MSR1: variants seen among roughly 807,000 people sequenced by gnomAD.
MSR1 encodes macrophage scavenger receptor 1, also known as macrophage scavenger receptor types I and II.
A neutral mutation model predicts 47.2 loss-of-function variants in MSR1; 53 were observed. The ratio of observed to expected loss-of-function variants is 1.12; its 90% CI spans 0.90 to 1.41. MSR1 has a LOEUF of 1.41. MSR1 is among the 40% of genes most tolerant of loss of function. The pLI, the probability that MSR1 is intolerant of heterozygous loss-of-function variation, is 0.00. For missense variants in MSR1, 786 were observed against 546.9 expected (o/e 1.44, Z -4.36); for synonymous variants, 239 against 185.6 (o/e 1.29, Z -2.34).
At position 16,109,410 on chromosome 8, in the gene MSR1, G is replaced by T. The variant is rs1799707049; in HGVS notation, c.*675C>A. 6.6e-6 allele frequency: 1 copy of T among 151,990 alleles called. No homozygotes were observed. Among genetic ancestry groups the T allele is most frequent in the African/African-American group, 2.4e-5 (1 of 41,382 alleles). 9.4% of individuals were successfully genotyped at this position (151,990 alleles called of 1,614,324 possible). ...GCATTTTTGATCCACCAATTATCTG[G>T]ACAAATATACTGATGGTCAGTTTTC... On this transcript the variant is annotated 3_prime_UTR_variant, in exon 10 of 10. Transcript: ENST00000262101.
intron 6 of MSR1, among the ~76,000 whole-genome samples, chr8:16,151,207 T>C (rs372697428): frequency 6.6e-6 from 1 of 152,088 alleles, no homozygotes; most frequent in African/African-American, 2.4e-5. Flanking sequence ...CAGGAGCATC[T>C]TGGGGCCATA....
At chr8:16,184,347 A>G (rs904222903) in intron 1 of MSR1, among the ~76,000 whole-genome samples, 3 of 152,100 alleles carry the variant, frequency 2.0e-5, no homozygotes, top group Admixed American at 1.3e-4. Context: ...TTTTAATTTG[A>G]TCTATTACAT....
chr8:16,179,465 A>C (rs991645051), intron 1 of MSR1, among the ~76,000 whole-genome samples: 2 of 152,206 alleles, frequency 1.3e-5, no homozygotes, highest in Non-Finnish European at 2.9e-5. Flanking sequence ...GCGAACTGCC[A>C]AATAAGGAAT....
intron 8 of MSR1, among the ~76,000 whole-genome samples, chr8:16,128,456 G>T (rs57533302): frequency 0.044 from 6,667 of 151,948 alleles, 235 homozygotes; most frequent in East Asian, 0.12. Flanking sequence ...AATGAGAAGG[G>T]GGCCGTCTGC....
intron 9 of MSR1, among the ~76,000 whole-genome samples, chr8:16,119,267 C>T (rs1218662828): frequency 6.6e-6 from 1 of 152,178 alleles, no homozygotes. Context: ...CGGAATCTCA[C>T]TCTGTCACCC....
chr8:16,180,851 T>C (rs1357769124), intron 1 of MSR1, among the ~76,000 whole-genome samples: 3 of 152,182 alleles, frequency 2.0e-5, no homozygotes, highest in Non-Finnish European at 2.9e-5. Flanking sequence ...TTTTCATGAA[T>C]GCTATGTTGA....
intron 9 of MSR1, among the ~76,000 whole-genome samples, chr8:16,119,818 C>T (rs978977323): frequency 6.6e-6 from 1 of 151,746 alleles, no homozygotes; most frequent in African/African-American, 2.4e-5. Flanking sequence ...GCGACCCTCC[C>T]ACCTCAGCCT....
At chr8:16,141,218 A>G (rs914306368) in intron 8 of MSR1, 4 of 673,974 alleles carry the variant, frequency 5.9e-6, no homozygotes, top group Non-Finnish European at 5.0e-6. Flanking sequence ...ACAAGCTTTT[A>G]GCAGCCATTT....
At chr8:16,161,362 C>A (rs909567592) in intron 5 of MSR1, among the ~76,000 whole-genome samples, 1 of 151,870 alleles carries the variant, frequency 6.6e-6, no homozygotes, top group Non-Finnish European at 1.5e-5. Context: ...AGTTAAGAAG[C>A]AAGGATTTGG....
chr8:16,165,283 C>T (rs1386813160), intron 4 of MSR1, among the ~76,000 whole-genome samples: 1 of 152,012 alleles, frequency 6.6e-6, no homozygotes, highest in Non-Finnish European at 1.5e-5. Flanking sequence ...CAGCTGAATA[C>T]TGGGTACCAT....
rs776947602 is a variant in MSR1 at position 16,110,242 on chromosome 8, A to G, written c.1223-24T>C. The G allele has an allele frequency of 9.9e-6, 16 of 1,612,518 alleles. No individual in the cohort carries two copies. The South Asian group carries it at 1.1e-4, about 11-fold the overall frequency. On this transcript the variant is annotated intron_variant, in intron 9 of 9. Transcript: ENST00000262101. ...ACCTGCAATAATGAGGTATAACTGC[A>G]TTAGTAAGTTTAGAGTTTAGTGTTT...
intron 5 of MSR1, among the ~76,000 whole-genome samples, chr8:16,163,232 A>T (rs1801209924): frequency 6.6e-6 from 1 of 152,044 alleles, no homozygotes; most frequent in Non-Finnish European, 1.5e-5. Flanking sequence ...AACATAAAAT[A>T]AACTGGAAAA....
At chr8:16,119,185 T>C (rs35330540) in intron 9 of MSR1, among the ~76,000 whole-genome samples, 2,064 of 152,260 alleles carry the variant, frequency 0.014, 50 homozygotes, top group African/African-American at 0.047. Flanking sequence ...CTAAAGACTC[T>C]AGAACCTGAG....
intron 9 of MSR1, among the ~76,000 whole-genome samples, chr8:16,113,104 C>T (rs1369720163): frequency 6.6e-6 from 1 of 151,634 alleles, no homozygotes; most frequent in East Asian, 1.9e-4. Context: ...TGTGCACCAC[C>T]ACGCCCAGTT....
chr8:16,123,047 G>A (rs1800041988), intron 8 of MSR1, among the ~76,000 whole-genome samples: 1 of 151,776 alleles, frequency 6.6e-6, no homozygotes, highest in South Asian at 2.1e-4. Flanking sequence ...GGGTTTCACC[G>A]TGTTAGCCAG....
chr8:16,186,007 G>A (rs552653290), intron 1 of MSR1, among the ~76,000 whole-genome samples: 2 of 152,194 alleles, frequency 1.3e-5, no homozygotes, highest in South Asian at 2.1e-4. Flanking sequence ...AAAGAAGTTC[G>A]TGGCCTGCAA....
At chr8:16,112,336 C>G (rs1359715074) in intron 9 of MSR1, among the ~76,000 whole-genome samples, 3 of 152,012 alleles carry the variant, frequency 2.0e-5, no homozygotes, top group African/African-American at 7.2e-5. Context: ...TTCATAGATA[C>G]ATAAACTGAG....
chr8:16,123,598 GTGTGTGTCTGGAT>G (rs1800060170), intron 8 of MSR1, among the ~76,000 whole-genome samples: 1 of 150,530 alleles, frequency 6.6e-6, no homozygotes, highest in East Asian at 2.0e-4. Context: ...GTGTGTGTGT[GTGTGTGTCTGGAT>G]AGCTGTTTCC....
chr8:16,144,189 A>G (rs537200680), intron 7 of MSR1, among the ~76,000 whole-genome samples: 12 of 152,192 alleles, frequency 7.9e-5, no homozygotes, highest in African/African-American at 2.9e-4. Flanking sequence ...AATATTTCAT[A>G]TGAGGGTCAG....
Sources: gnomAD v4.1 joint callset for allele counts (sites outside exome capture counted in the v4.1 genomes callset) on GRCh38, gnomAD v4.1.1 for gene constraint, MANE v1.5 for transcripts, NCBI Gene and HGNC (gene_info 2026-07-23, HGNC 2026-07-21) for gene names.